The following ENPP6 variants were observed in gnomAD, a reference collection of about 807,000 sequenced individuals.
The protein encoded by ENPP6 is ectonucleotide pyrophosphatase/phosphodiesterase 6.
A neutral mutation model predicts 42.0 loss-of-function variants in ENPP6; 32 were observed. The observed-to-expected ratio is 0.76, with a 90% CI of 0.58 to 1.02. The LOEUF (loss-of-function observed/expected upper bound fraction) is 1.02, where lower values mean the gene tolerates loss of function less well. ENPP6 is among the 50% of genes least tolerant of loss of function. The pLI is 0.00. For synonymous variants in ENPP6, 213 were observed against 216.0 expected, an observed-to-expected ratio of 0.99 and a Z score of 0.12; for missense variants, 552 against 566.8, an observed-to-expected ratio of 0.97 and a Z score of 0.27.
chr4:184,147,066 A>G (rs1431936245), intron 2 of ENPP6, among the ~76,000 whole-genome samples: 1 of 152,064 alleles, frequency 6.6e-6, no homozygotes, highest in Non-Finnish European at 1.5e-5. Flanking sequence ...GACGTCCCAG[A>G]GCCAACTCCG....
chr4:184,184,554 A>G lies in ENPP6; in HGVS notation c.242-30821T>C, dbSNP rs1732600797. Among the ~76,000 whole-genome samples, 2 of 152,242 alleles carry G rather than the reference A, an allele frequency of 1.3e-5. No individual in the cohort carries two copies. Among genetic ancestry groups the G allele is most frequent in the South Asian group, 4.1e-4 (2 of 4,832 alleles). On this transcript the variant is annotated intron_variant, in intron 1 of 7. Coordinates refer to ENST00000296741, the MANE Select transcript of ENPP6 (RefSeq NM_153343.4). The surrounding 1 kb of genome is among the most constrained non-coding windows in gnomAD (Gnocchi z 4.7). ...GTGGCTCCACAACCTGTGTCTACCC[A>G]GAACCTGCGGAAGTGACCTCATTTG...
At chr4:184,102,901 G>T (rs1163834309) in intron 6 of ENPP6, among the ~76,000 whole-genome samples, 1 of 152,270 alleles carries the variant, frequency 6.6e-6, no homozygotes, top group African/African-American at 2.4e-5. Flanking sequence ...ATGTCCCCCA[G>T]GTGGTCGGGA....
chr4:184,097,599 G>T (rs989423885), intron 6 of ENPP6, among the ~76,000 whole-genome samples: 18 of 152,128 alleles, frequency 1.2e-4, no homozygotes, highest in African/African-American at 4.1e-4. Context: ...TCCTACGTGG[G>T]GCTGAATTGT....
intron 2 of ENPP6, among the ~76,000 whole-genome samples, chr4:184,127,545 G>A (rs942119560): frequency 6.6e-6 from 1 of 152,176 alleles, no homozygotes; most frequent in African/African-American, 2.4e-5. Context: ...AAGACCTGAG[G>A]TCAGGAGCTT....
At chr4:184,186,252 ATG>A (rs1286195303) in intron 1 of ENPP6, among the ~76,000 whole-genome samples, 1 of 152,260 alleles carries the variant, frequency 6.6e-6, no homozygotes, top group Non-Finnish European at 1.5e-5. Context: ...CTATGGATAC[ATG>A]TTCCAGTGTG....
chr4:184,158,013 T>A (rs190162340), intron 1 of ENPP6, among the ~76,000 whole-genome samples: 1 of 152,292 alleles, frequency 6.6e-6, no homozygotes, highest in East Asian at 1.9e-4. Context: ...ACAGTCAATG[T>A]CAATTCCTTT....
chr4:184,170,766 C>T (rs559368625), intron 1 of ENPP6, among the ~76,000 whole-genome samples: 10 of 152,328 alleles, frequency 6.6e-5, no homozygotes, highest in South Asian at 2.1e-4. Context: ...TCTCGCGTCA[C>T]GCCATGTGGC....
chr4:184,187,031 G>A (rs1732644243), intron 1 of ENPP6, among the ~76,000 whole-genome samples: 1 of 152,150 alleles, frequency 6.6e-6, no homozygotes, highest in Non-Finnish European at 1.5e-5. Context: ...TTAAACATAA[G>A]AGAAATGTGT....
chr4:184,192,337 G>C (rs1732722653), intron 1 of ENPP6, among the ~76,000 whole-genome samples: 1 of 152,194 alleles, frequency 6.6e-6, no homozygotes, highest in South Asian at 2.1e-4. Context: ...TAATATTTAT[G>C]ATCAATTGAT....
At chr4:184,140,542 A>C (rs1736801620) in intron 2 of ENPP6, among the ~76,000 whole-genome samples, 1 of 132,376 alleles carries the variant, frequency 7.6e-6, no homozygotes. Context: ...CAAAACAGAG[A>C]TATAGATCAA....
chr4:184,173,952 A>G (rs11132229), intron 1 of ENPP6, among the ~76,000 whole-genome samples: 128,678 of 152,026 alleles, frequency 0.85, 55,762 homozygotes, highest in East Asian at 1. Context: ...GGTGGGTCAC[A>G]TCTGGGAACA....
intron 1 of ENPP6, among the ~76,000 whole-genome samples, chr4:184,215,439 T>G (rs1733181768): frequency 6.6e-6 from 1 of 152,116 alleles, no homozygotes; most frequent in Non-Finnish European, 1.5e-5. Context: ...GAAAAATAAG[T>G]ATGGGTATTG....
chr4:184,169,967 C>T (rs1737434260), intron 1 of ENPP6, among the ~76,000 whole-genome samples: 1 of 152,184 alleles, frequency 6.6e-6, no homozygotes, highest in South Asian at 2.1e-4. Flanking sequence ...CATCTGAAGT[C>T]ATAAATACTT....
intron 2 of ENPP6, among the ~76,000 whole-genome samples, chr4:184,133,698 ATT>A (rs35142222): frequency 9.8e-4 from 145 of 147,974 alleles, no homozygotes; most frequent in Middle Eastern, 7.0e-3. Context: ...GTTTGCTGTC[ATT>A]TTTTTTTTTT....
chr4:184,168,696 C>T (rs918179090), intron 1 of ENPP6, among the ~76,000 whole-genome samples: 1 of 152,216 alleles, frequency 6.6e-6, no homozygotes, highest in Non-Finnish European at 1.5e-5. Flanking sequence ...GGGTTTGCTT[C>T]TCCCGGTTTG....
intron 1 of ENPP6, among the ~76,000 whole-genome samples, chr4:184,202,053 AT>A (rs1732913062): frequency 6.6e-6 from 1 of 152,176 alleles, no homozygotes; most frequent in South Asian, 2.1e-4. Flanking sequence ...CACAGGATCA[AT>A]TTCTCTCCTT....
intron 1 of ENPP6, among the ~76,000 whole-genome samples, chr4:184,169,580 G>A (rs1217814270): frequency 2.0e-5 from 3 of 152,152 alleles, no homozygotes; most frequent in African/African-American, 4.8e-5. Context: ...TCACGTTTCT[G>A]GCCACCTTGC....
rs1446243343 is a variant in ENPP6 at position 184,113,955 on chromosome 4, CTTTCT to C, written c.856-1151_856-1147del. Among the ~76,000 whole-genome samples the C allele has an allele frequency of 4.6e-5, 6 of 129,412 alleles. No individual in the cohort carries two copies. The Admixed American group carries it at 4.8e-4, about 10-fold the overall frequency. The allele number at this position is 129,412 out of a possible 152,430, so 84.9% of individuals were successfully genotyped here. ...TCTTTCTTTCTTTCTTTCTTTCTTT[CTTTCT>C]TTCTCTCTTTCTTTCTTTCTTTTTG... On this transcript the variant is annotated intron_variant, in intron 5 of 7. Coordinates refer to ENST00000296741, the MANE Select transcript of ENPP6 (RefSeq NM_153343.4).
At chr4:184,120,886 G>A (rs1281658574) in intron 3 of ENPP6, among the ~76,000 whole-genome samples, 1 of 152,198 alleles carries the variant, frequency 6.6e-6, no homozygotes, top group African/African-American at 2.4e-5. Context: ...AGAGATCAGG[G>A]TAGAGGACTG....
Sources: allele counts gnomAD v4.1 joint callset (sites outside exome capture counted in the v4.1 genomes callset), GRCh38; gene constraint gnomAD v4.1.1; non-coding constraint Gnocchi (gnomAD v3.1); transcripts MANE v1.5; gene names NCBI Gene and HGNC (gene_info 2026-07-23, HGNC 2026-07-21).